Variants in DDX50 observed in about 807,000 individuals in gnomAD.
DDX50 encodes DExD-box helicase 50, also known as ATP-dependent RNA helicase DDX50.
In DDX50, 56 loss-of-function variants were observed where a neutral mutation model predicts 94.8. That is an observed-to-expected ratio of 0.59 (90% confidence interval 0.48 to 0.74). The LOEUF is 0.74. Ranked by LOEUF, DDX50 falls within the 30% of genes least tolerant of loss-of-function variation. DDX50 has a pLI of 0.00. For synonymous variants in DDX50, 264 were observed against 295.4 expected (o/e 0.89, Z 1.09); for missense variants, 713 against 881.2 (o/e 0.81, Z 2.42).
chr10:68,902,914 C>G (rs1841333122), intron 1 of DDX50, among the ~76,000 whole-genome samples: 1 of 152,164 alleles, frequency 6.6e-6, no homozygotes, highest in Non-Finnish European at 1.5e-5. Flanking sequence ...GTATGTATCC[C>G]ACATATTTCC....
chr10:68,936,545 TATATAA>T (rs1238296451), intron 11 of DDX50, among the ~76,000 whole-genome samples: 3 of 85,110 alleles, frequency 3.5e-5, no homozygotes, highest in African/African-American at 1.2e-4. Flanking sequence ...TATATATATA[TATATAA>T]AATGTGGCTG....
intron 4 of DDX50, 88 bp downstream of exon 4, chr10:68,911,334 A>G: frequency 3.7e-6 from 5 of 1,356,528 alleles, no homozygotes; most frequent in Non-Finnish European, 4.8e-6. Flanking sequence ...TAGTACCCCC[A>G]AAATAGAAAA....
At position 68,934,367 on chromosome 10, in the gene DDX50, A is replaced by AATGG; in HGVS notation, c.1401+8_1401+11dup. 1 of 1,612,856 alleles carries AATGG rather than the reference A, an allele frequency of 6.2e-7. No individual in the cohort carries two copies. Among genetic ancestry groups the AATGG allele is most frequent in the Non-Finnish European group, 8.5e-7 (1 of 1,179,652 alleles). On this transcript the variant is annotated splice_region_variant and intron_variant, in intron 9 of 14. Coordinates refer to ENST00000373585, the MANE Select transcript of DDX50 (RefSeq NM_024045.2). This position sits in a 1 kb window ranked among gnomAD's most constrained non-coding sequence, Gnocchi z 4.0. Reference sequence around the variant, plus strand: ...TCAAAGTTCTCCTCCTCAGGTAGGAAATGGGATTTGATTTGGGAAAAATAA... The same window carrying AATGG: ...TCAAAGTTCTCCTCCTCAGGTAGGAAATGGATGGGATTTGATTTGGGAAAAATAA...
chr10:68,931,395 ATATATATATATATATG>A (rs1564613816), intron 8 of DDX50, among the ~76,000 whole-genome samples: 12 of 38,258 alleles, frequency 3.1e-4, no homozygotes, highest in Admixed American at 1.5e-3. Flanking sequence ...AAAAAAAAAT[ATATATATATATATATG>A]TATATATATA....
At chr10:68,945,331 A>G (rs892050139) in intron 14 of DDX50, among the ~76,000 whole-genome samples, 5 of 151,762 alleles carry the variant, frequency 3.3e-5, no homozygotes, top group Admixed American at 2.0e-4. Context: ...TCTTTGAGAC[A>G]AGAGTCACTC....
chr10:68,911,039 A>G (rs776399143), intron 3 of DDX50, 29 bp from the exon 4 acceptor site: 2 of 1,408,036 alleles, frequency 1.4e-6, no homozygotes, highest in East Asian at 2.5e-5. Context: ...AGTCGTAAAG[A>G]AGTATTTTAA....
intron 8 of DDX50, among the ~76,000 whole-genome samples, chr10:68,933,071 GTTT>G (rs1554836942): frequency 6.7e-4 from 24 of 36,032 alleles, no homozygotes; most frequent in African/African-American, 3.5e-4. Context: ...TTGTTTGTTT[GTTT>G]TTTTTTTTTT....
chr10:68,929,292 C>CCTTCCTTCCTTCCTTCCTCT (rs1554836333), intron 8 of DDX50, among the ~76,000 whole-genome samples: 2 of 122,546 alleles, frequency 1.6e-5, no homozygotes, highest in Non-Finnish European at 3.5e-5. Context: ...TTCCTTCCTT[C>CCTTCCTTCCTTCCTTCCTCT]CTCTCTCTCT....
At chr10:68,913,829 T>A (rs957107462) in intron 6 of DDX50, among the ~76,000 whole-genome samples, 7 of 152,210 alleles carry the variant, frequency 4.6e-5, no homozygotes, top group African/African-American at 1.7e-4. Flanking sequence ...GATTTCTTTG[T>A]TCATTGTTCC....
At chr10:68,920,372 A>G (rs1332456951) in intron 8 of DDX50, among the ~76,000 whole-genome samples, 2 of 152,092 alleles carry the variant, frequency 1.3e-5, no homozygotes, top group African/African-American at 2.4e-5. Context: ...CATGTAGCCC[A>G]GGCTGGTCTT....
intron 2 of DDX50, 63 bp from the exon 3 acceptor site, chr10:68,910,244 A>T: frequency 1.5e-6 from 2 of 1,376,552 alleles, no homozygotes; most frequent in Non-Finnish European, 2.0e-6. Flanking sequence ...GTAAAAAATT[A>T]AAAACAGTAA....
chr10:68,909,449 C>T (rs1164132760), intron 2 of DDX50, among the ~76,000 whole-genome samples: 6 of 152,164 alleles, frequency 3.9e-5, no homozygotes, highest in African/African-American at 7.2e-5. Flanking sequence ...AGCTTTCAAA[C>T]GCTGTAGAAT....
intron 2 of DDX50, among the ~76,000 whole-genome samples, chr10:68,907,649 C>T (rs748651623): frequency 6.6e-5 from 10 of 151,740 alleles, no homozygotes; most frequent in Admixed American, 2.0e-4. Context: ...TATATAAATA[C>T]GATAATTGCT....
intron 8 of DDX50, among the ~76,000 whole-genome samples, chr10:68,927,865 G>A (rs1212824077): frequency 1.3e-5 from 2 of 152,076 alleles, no homozygotes; most frequent in African/African-American, 2.4e-5. Flanking sequence ...TATTTAAAGG[G>A]ATACTTTTGA....
At chr10:68,936,841 A>C in intron 11 of DDX50, 95 bp from the exon 12 acceptor site, 1 of 502,060 alleles carries the variant, frequency 2.0e-6, no homozygotes, top group East Asian at 6.5e-5. Flanking sequence ...GCTCTATCTC[A>C]AAAAAAAAAA....
chr10:68,943,097 C>G (rs955413), intron 13 of DDX50, 116 bp from the exon 14 acceptor site: 20 of 889,628 alleles, frequency 2.2e-5, no homozygotes, highest in African/African-American at 5.1e-5. Flanking sequence ...TGTTTAGTTA[C>G]TTTTTAAATT....
chr10:68,946,667 A>G lies in DDX50; in HGVS notation c.*37A>G, dbSNP rs745712679. ...TTAATCTACCAGTGTGAGCTTGCCT[A>G]TTTCTGCCTAATCATGTACATTATC... is the stretch of plus-strand genomic sequence containing the variant. On this transcript the variant is annotated 3_prime_UTR_variant, in exon 15 of 15. Transcript: ENST00000373585. The G allele has an allele frequency of 3.1e-6, 5 of 1,588,920 alleles. No homozygotes were observed. The highest frequency in any genetic ancestry group is 2.7e-5 in the African/African-American group (2 of 74,580).
At chr10:68,915,536 C>T (rs560329015) in intron 7 of DDX50, among the ~76,000 whole-genome samples, 19 of 151,832 alleles carry the variant, frequency 1.3e-4, no homozygotes, top group Admixed American at 3.9e-4. Context: ...GCCAACATGG[C>T]GATACCTCGT....
intron 8 of DDX50, among the ~76,000 whole-genome samples, chr10:68,931,439 A>ACACACACACACACACACG (rs1842270879): frequency 7.1e-6 from 1 of 141,536 alleles, no homozygotes; most frequent in Admixed American, 7.1e-5. Context: ...ACAAACACAC[A>ACACACACACACACACACG]CACACACAAT....
Sources: gnomAD v4.1 joint callset for allele counts (sites outside exome capture counted in the v4.1 genomes callset) on GRCh38, gnomAD v4.1.1 for gene constraint, Gnocchi (gnomAD v3.1) non-coding constraint, MANE v1.5 for transcripts, NCBI Gene and HGNC (gene_info 2026-07-23, HGNC 2026-07-21) for gene names.